The following RARB variants were observed in gnomAD, a reference collection of about 807,000 sequenced individuals.
The protein encoded by RARB is HBV-activated protein.
In RARB, 17 loss-of-function variants were observed where a neutral mutation model predicts 51.9. The observed-to-expected ratio is 0.33, with a 90% CI of 0.22 to 0.49. The LOEUF (loss-of-function observed/expected upper bound fraction) is 0.49. Ranked by LOEUF, RARB falls within the 20% of genes least tolerant of loss-of-function variation. The probability of loss-of-function intolerance (pLI) is 0.99; values close to 1 mark genes in which losing one functional copy is unlikely to be tolerated. For synonymous variants in RARB, 215 were observed against 195.4 expected, an observed-to-expected ratio of 1.10 and a Z score of -0.84; for missense variants, 369 against 550.8, an observed-to-expected ratio of 0.67 and a Z score of 3.30.
At chr3:25,350,064 CT>C (rs2125456600) in intron 5 of RARB, among the ~76,000 whole-genome samples, 1 of 152,262 alleles carries the variant, frequency 6.6e-6, no homozygotes, top group East Asian at 1.9e-4. Context: ...TACAAGGTGC[CT>C]GGCTGTACCC....
chr3:25,129,331 C>T (rs1194222814), intron 3 of RARB, among the ~76,000 whole-genome samples: 1 of 151,996 alleles, frequency 6.6e-6, no homozygotes, highest in Non-Finnish European at 1.5e-5. Flanking sequence ...TATTTTAAAG[C>T]ATCAGTTACA....
At position 25,023,271 on chromosome 3, in the gene RARB, A is replaced by C. The variant is rs564299015; in HGVS notation, c.-379-36854A>C. ...TACTCCACAGTAATGTGAGAAAAGT[A>C]TAGCCACAATCTTAACTTCAGTCTG... is the stretch of plus-strand genomic sequence containing the variant. On this transcript the variant is annotated intron_variant, in intron 2 of 11. Transcript: ENST00000383772. Among the ~76,000 whole-genome samples, 11 of 152,368 alleles carry C rather than the reference A, an allele frequency of 7.2e-5. No homozygotes were observed. In the East Asian group the frequency reaches 1.9e-3, roughly 27 times the overall value.
At chr3:25,557,746 A>G in intron 3 of RARB, among the ~76,000 whole-genome samples, 1 of 151,886 alleles carries the variant, frequency 6.6e-6, no homozygotes, top group East Asian at 1.9e-4. Context: ...ATGAACAGTG[A>G]CTCGTCTAAA....
chr3:24,897,861 T>A (rs1311447774), intron 2 of RARB, among the ~76,000 whole-genome samples: 2 of 152,144 alleles, frequency 1.3e-5, no homozygotes, highest in African/African-American at 2.4e-5. Flanking sequence ...CTAATTTGCA[T>A]TGTGAATTGC....
chr3:25,057,259 T>C (rs895240843), intron 2 of RARB, among the ~76,000 whole-genome samples: 3 of 152,100 alleles, frequency 2.0e-5, no homozygotes, highest in Non-Finnish European at 4.4e-5. Context: ...AGGATTCTTT[T>C]GCAATAAGCA....
chr3:25,055,940 G>T (rs1698432476), intron 2 of RARB, among the ~76,000 whole-genome samples: 1 of 152,106 alleles, frequency 6.6e-6, no homozygotes, highest in African/African-American at 2.4e-5. Context: ...TGCTCTGACA[G>T]CATCTGCCAC....
At chr3:25,425,644 AAAG>A (rs1707968298), upstream of RARB, among the ~76,000 whole-genome samples, 1 of 152,216 alleles carries the variant, frequency 6.6e-6, no homozygotes, top group African/African-American at 2.4e-5. Context: ...TTTCTTGCAC[AAAG>A]AAAGAAAACA....
chr3:25,145,623 T>C (rs1191794253), intron 4 of RARB, among the ~76,000 whole-genome samples: 1 of 152,190 alleles, frequency 6.6e-6, no homozygotes, highest in Non-Finnish European at 1.5e-5. Flanking sequence ...AGGCAAGTGC[T>C]TGCTTAGATT....
At chr3:25,118,824 C>A (rs1307966773) in intron 3 of RARB, among the ~76,000 whole-genome samples, 1 of 152,020 alleles carries the variant, frequency 6.6e-6, no homozygotes, top group Non-Finnish European at 1.5e-5. Flanking sequence ...ATAATACAGA[C>A]AAATGGGAAT....
At chr3:24,991,228 GT>G (rs1696902954) in intron 2 of RARB, among the ~76,000 whole-genome samples, 1 of 152,188 alleles carries the variant, frequency 6.6e-6, no homozygotes. Context: ...ATCACCTGAG[GT>G]CAGGAGTTCA....
At chr3:25,478,811 G>A (rs13072719) in intron 2 of RARB, among the ~76,000 whole-genome samples, 1 of 152,156 alleles carries the variant, frequency 6.6e-6, no homozygotes, top group East Asian at 1.9e-4. Flanking sequence ...GCTTGCATCA[G>A]ATCATATCAC....
intron 3 of RARB, among the ~76,000 whole-genome samples, chr3:25,081,076 A>C (rs1359451941): frequency 6.6e-6 from 1 of 151,990 alleles, no homozygotes; most frequent in African/African-American, 2.4e-5. Context: ...TCATGGTGAA[A>C]ATTTAGATCA....
intron 3 of RARB, among the ~76,000 whole-genome samples, chr3:25,111,371 T>G (rs1158421536): frequency 1.3e-5 from 2 of 152,170 alleles, no homozygotes; most frequent in Admixed American, 1.3e-4. Flanking sequence ...CATGTCTGGT[T>G]TAACCACTAG....
At chr3:25,018,092 T>C (rs1260017600) in intron 2 of RARB, among the ~76,000 whole-genome samples, 7 of 152,186 alleles carry the variant, frequency 4.6e-5, no homozygotes, top group Middle Eastern at 3.2e-3. Flanking sequence ...TATTTTGTTA[T>C]TGCAACCCAA....
chr3:25,321,353 T>C (rs1189437641), intron 5 of RARB, among the ~76,000 whole-genome samples: 1 of 152,210 alleles, frequency 6.6e-6, no homozygotes, highest in Non-Finnish European at 1.5e-5. Context: ...TAATACACTG[T>C]CTTTTTTGTT....
rs1398699130 is a variant in RARB at position 25,154,674 on chromosome 3, A to G, written c.-279-19445A>G. 2.0e-5 allele frequency among the ~76,000 whole-genome samples: 3 copies of G among 152,194 alleles called. No individual in the cohort carries two copies. In the East Asian group the frequency reaches 5.8e-4, roughly 29 times the overall value. On this transcript the variant is annotated intron_variant, in intron 4 of 11. Transcript: ENST00000383772. ...CCAAACTACATGTGTAGGGTCTTCC[A>G]TCCAGATCCTTCCTTTCCATTCCAA...
chr3:25,117,083 G>A (rs1477977495), intron 3 of RARB, among the ~76,000 whole-genome samples: 1 of 152,012 alleles, frequency 6.6e-6, no homozygotes, highest in Admixed American at 6.6e-5. Context: ...TTCAATCAAC[G>A]AACCAGTGTT....
intron 3 of RARB, among the ~76,000 whole-genome samples, chr3:25,062,998 TAG>T (rs1202821128): frequency 6.6e-6 from 1 of 152,004 alleles, no homozygotes; most frequent in Middle Eastern, 3.2e-3. Context: ...ATACAACTCA[TAG>T]AGTTTGTGAA....
chr3:25,298,124 A>C (rs1703959604), intron 5 of RARB, among the ~76,000 whole-genome samples: 1 of 152,098 alleles, frequency 6.6e-6, no homozygotes, highest in East Asian at 1.9e-4. Flanking sequence ...TGCAGCTTAC[A>C]AAAGGACTAC....
Sources: gnomAD v4.1 joint callset for allele counts (sites outside exome capture counted in the v4.1 genomes callset) on GRCh38, gnomAD v4.1.1 for gene constraint, MANE v1.5 for transcripts, NCBI Gene and HGNC (gene_info 2026-07-23, HGNC 2026-07-21) for gene names.